Variants in DLGAP1 observed in about 807,000 individuals in gnomAD.
The protein encoded by DLGAP1 is disks large-associated protein 1.
A neutral mutation model predicts 90.8 loss-of-function variants in DLGAP1; 11 were observed. The observed-to-expected ratio is 0.12, with a 90% CI of 0.08 to 0.20. The LOEUF (loss-of-function observed/expected upper bound fraction) is 0.20. Among genes scored for constraint, DLGAP1 ranks in the 10% least tolerant of loss-of-function variants. The probability of loss-of-function intolerance (pLI) is 1.00; values close to 1 mark genes in which losing one functional copy is unlikely to be tolerated. For synonymous variants in DLGAP1, 558 were observed against 540.7 expected, an observed-to-expected ratio of 1.03 and a Z score of -0.44; for missense variants, 1,050 against 1,333.8, an observed-to-expected ratio of 0.79 and a Z score of 3.31.
At chr18:3,725,427 T>G (rs1315739420) in intron 7 of DLGAP1, among the ~76,000 whole-genome samples, 3 of 152,120 alleles carry the variant, frequency 2.0e-5, no homozygotes, top group African/African-American at 7.2e-5. Context: ...GAAGTGGAGG[T>G]CTGGGTGTAT....
Position 3,526,853 on chromosome 18 carries a change from C to A in DLGAP1, c.2479+7341G>T, listed in dbSNP as rs2051655405. ...ATCTCCCTGAGACAGCTGTTTCACA[C>A]AAGGGCTTCATTGTCTGAGAAGAGC... On this transcript the variant is annotated intron_variant, in intron 10 of 12. Transcript: ENST00000315677. The surrounding 1 kb of genome is among the most constrained non-coding windows in gnomAD (Gnocchi z 4.7). 6.6e-6 allele frequency among the ~76,000 whole-genome samples: 1 copy of A among 152,166 alleles called. No individual in the cohort carries two copies. Among genetic ancestry groups the A allele is most frequent in the Admixed American group, 6.5e-5 (1 of 15,272 alleles).
Position 4,237,719 on chromosome 18 carries a change from G to T in DLGAP1, c.-266-86432C>A, listed in dbSNP as rs139655163. Among the ~76,000 whole-genome samples, 899 of 151,586 alleles carry T rather than the reference G, an allele frequency of 5.9e-3. 5 individuals are homozygous for T. Among genetic ancestry groups the T allele is most frequent in the Non-Finnish European group, 9.5e-3 (647 of 67,910 alleles). On this transcript the variant is annotated intron_variant, in intron 1 of 12. Coordinates refer to ENST00000315677, the MANE Select transcript of DLGAP1 (RefSeq NM_004746.4). ...AAAAAAAAGGAAGCAATTTTTGCCT[G>T]AGTTATGAGTAGATTAAATTCAATA...
intron 2 of DLGAP1, among the ~76,000 whole-genome samples, chr18:4,060,670 A>G (rs2075285970): frequency 6.6e-6 from 1 of 152,346 alleles, no homozygotes; most frequent in Non-Finnish European, 1.5e-5. Flanking sequence ...ACTTCCTCAC[A>G]GAAGGAAAAT....
At chr18:4,054,526 A>G (rs1365041114) in intron 2 of DLGAP1, among the ~76,000 whole-genome samples, 2 of 152,212 alleles carry the variant, frequency 1.3e-5, no homozygotes, top group Non-Finnish European at 2.9e-5. Context: ...GACAGACAAC[A>G]GGGATGTGCC....
chr18:4,414,816 T>G (rs926031640), intron 1 of DLGAP1, among the ~76,000 whole-genome samples: 2 of 152,148 alleles, frequency 1.3e-5, no homozygotes, highest in Non-Finnish European at 1.5e-5. Flanking sequence ...CTTCATATTG[T>G]CAAATGAACA....
chr18:4,174,525 G>C (rs1449989286), intron 1 of DLGAP1, among the ~76,000 whole-genome samples: 1 of 151,812 alleles, frequency 6.6e-6, no homozygotes, highest in Non-Finnish European at 1.5e-5. Context: ...AGTAGAGTTG[G>C]GGTTTCACCA....
intron 2 of DLGAP1, among the ~76,000 whole-genome samples, chr18:4,144,194 T>C (rs1017850452): frequency 1.3e-5 from 2 of 152,300 alleles, no homozygotes; most frequent in East Asian, 1.9e-4. Context: ...AGAATTGCAG[T>C]CCTTGTGGCC....
chr18:4,363,942 A>G (rs1490305254), intron 1 of DLGAP1, among the ~76,000 whole-genome samples: 6 of 152,074 alleles, frequency 3.9e-5, no homozygotes, highest in Non-Finnish European at 1.5e-5. Flanking sequence ...TGCTGCTATA[A>G]AGACATATGC....
intron 1 of DLGAP1, among the ~76,000 whole-genome samples, chr18:4,435,970 A>C (rs1470345986): frequency 6.6e-6 from 1 of 152,202 alleles, no homozygotes; most frequent in African/African-American, 2.4e-5. Context: ...ACAAGTAGGT[A>C]GTTAAAGGAC....
chr18:4,186,115 T>G (rs2077290498), intron 1 of DLGAP1, among the ~76,000 whole-genome samples: 1 of 152,174 alleles, frequency 6.6e-6, no homozygotes, highest in South Asian at 2.1e-4. Context: ...ACTTGCCCAC[T>G]TTTTAATGGT....
At chr18:4,269,416 C>T (rs1784720) in intron 1 of DLGAP1, among the ~76,000 whole-genome samples, 115,714 of 149,074 alleles carry the variant, frequency 0.78, 49,016 homozygotes, top group East Asian at 1. Flanking sequence ...TGCAGTGGCG[C>T]GATCTCAGCT....
chr18:3,724,565 G>A (rs1287547299), intron 7 of DLGAP1, among the ~76,000 whole-genome samples: 1 of 151,848 alleles, frequency 6.6e-6, no homozygotes, highest in African/African-American at 2.4e-5. Flanking sequence ...CCAACATGGT[G>A]AAACCCCATC....
chr18:3,913,818 A>T (rs1353470675), intron 3 of DLGAP1, among the ~76,000 whole-genome samples: 1 of 152,204 alleles, frequency 6.6e-6, no homozygotes, highest in Non-Finnish European at 1.5e-5. Context: ...CATTGCATGG[A>T]TGTTACAAGG....
chr18:4,190,518 A>G (rs2077377600), intron 1 of DLGAP1, among the ~76,000 whole-genome samples: 1 of 152,166 alleles, frequency 6.6e-6, no homozygotes, highest in African/African-American at 2.4e-5. Context: ...TAATGTAACT[A>G]TGAACTTTAG....
chr18:4,106,063 G>T (rs1033696470), intron 2 of DLGAP1, among the ~76,000 whole-genome samples: 1 of 140,788 alleles, frequency 7.1e-6, no homozygotes, highest in African/African-American at 2.6e-5. Flanking sequence ...AAAAAAAGTT[G>T]CAATTAAACT....
intron 1 of DLGAP1, among the ~76,000 whole-genome samples, chr18:4,357,098 T>TGG (rs199606014): frequency 0.026 from 3,871 of 151,540 alleles, 171 homozygotes; most frequent in African/African-American, 0.09. Context: ...TGCGTGTGTG[T>TGG]GTGTGTGTGT....
At chr18:3,639,814 G>A in intron 7 of DLGAP1, among the ~76,000 whole-genome samples, 1 of 138,148 alleles carries the variant, frequency 7.2e-6, no homozygotes. Flanking sequence ...GAGTGCAGTG[G>A]CGCGATCTCG....
intron 7 of DLGAP1, among the ~76,000 whole-genome samples, chr18:3,592,406 C>T (rs530484294): frequency 3.6e-4 from 55 of 152,288 alleles, no homozygotes; most frequent in African/African-American, 1.3e-3. Context: ...AGTCCTCCAC[C>T]GGCAAAAATG....
chr18:4,358,163 G>A (rs1168478377), intron 1 of DLGAP1, among the ~76,000 whole-genome samples: 1 of 152,182 alleles, frequency 6.6e-6, no homozygotes, highest in Non-Finnish European at 1.5e-5. Context: ...ATTCCATGAA[G>A]TCGATATTTG....
Sources: gnomAD v4.1 joint callset for allele counts (sites outside exome capture counted in the v4.1 genomes callset) on GRCh38, gnomAD v4.1.1 for gene constraint, Gnocchi (gnomAD v3.1) non-coding constraint, MANE v1.5 for transcripts, NCBI Gene and HGNC (gene_info 2026-07-23, HGNC 2026-07-21) for gene names.